The following SH3BGRL2 variants were observed in gnomAD, a reference collection of about 807,000 sequenced individuals.
SH3BGRL2 encodes the protein SH3 domain binding glutamate rich protein like 2, also known as SH3 domain-binding glutamic acid-rich-like protein 2.
SH3BGRL2 carries 21 observed loss-of-function variants against 14.8 expected under a neutral mutation model. The ratio of observed to expected loss-of-function variants is 1.42; its 90% CI spans 1.01 to 2.05. The LOEUF is 2.05. SH3BGRL2 is among the 30% of genes most tolerant of loss of function. The pLI is 0.00. For missense variants in SH3BGRL2, 147 were observed against 130.8 expected (o/e 1.12, Z -0.61); for synonymous variants, 50 against 47.8 (o/e 1.05, Z -0.19).
the SH3BGRL2 span, among the ~76,000 whole-genome samples, chr6:79,615,210 A>T: frequency 6.6e-6 from 1 of 152,004 alleles, no homozygotes; most frequent in South Asian, 2.1e-4. Flanking sequence ...AGTTTGGGAG[A>T]CTCACAAAAG....
intron 1 of SH3BGRL2, among the ~76,000 whole-genome samples, chr6:79,636,158 AG>A (rs1482482742): frequency 6.6e-6 from 1 of 152,172 alleles, no homozygotes; most frequent in East Asian, 1.9e-4. Context: ...CATTTTCCAG[AG>A]GAAGAGACTG....
At chr6:79,569,711 G>T in the SH3BGRL2 span, among the ~76,000 whole-genome samples, 13 of 152,110 alleles carry the variant, frequency 8.5e-5, no homozygotes, top group Non-Finnish European at 1.6e-4. Context: ...GGTCAGGGGG[G>T]TGCTTAGAAT....
chr6:79,649,983 TCTCACACACA>T (rs1769251394), intron 1 of SH3BGRL2, among the ~76,000 whole-genome samples: 2 of 132,342 alleles, frequency 1.5e-5, no homozygotes, highest in South Asian at 5.0e-4. Context: ...TCTCTCTCTC[TCTCACACACA>T]CACACACACA....
intron 2 of SH3BGRL2, among the ~76,000 whole-genome samples, chr6:79,692,793 T>G (rs1369918407): frequency 6.6e-6 from 1 of 152,054 alleles, no homozygotes; most frequent in Non-Finnish European, 1.5e-5. Flanking sequence ...GGTAGCATGA[T>G]GCCTCTGGCT....
In SH3BGRL2 at chr6:79,648,255, CATATATATATATATAT is replaced by C. The variant is rs60702112; in HGVS notation, c.45+16762_45+16777del. The stretch of plus-strand genomic sequence containing the variant: ...ACATTTTCTCTCTCTATTCTTTTGG[CATATATATATATATAT>C]ATATATATATATTTGACATATATTA... On this transcript the variant is annotated intron_variant, in intron 1 of 3. Coordinates refer to ENST00000369838, the MANE Select transcript of SH3BGRL2 (RefSeq NM_031469.4). Among the ~76,000 whole-genome samples the C allele has an allele frequency of 4.8e-5, 3 of 62,472 alleles. 1 individual carries two copies. The highest frequency in any genetic ancestry group is 1.5e-3 in the South Asian group (2 of 1,308). 41.0% of individuals were successfully genotyped at this position (62,472 alleles called of 152,430 possible). A position where few individuals can be genotyped will look rare whatever the true frequency, so the allele number is the denominator to read the frequency against.
At chr6:79,580,167 A>G in the SH3BGRL2 span, among the ~76,000 whole-genome samples, 1 of 152,200 alleles carries the variant, frequency 6.6e-6, no homozygotes, top group Non-Finnish European at 1.5e-5. Context: ...AGAGACCTAC[A>G]AAGAGACTTA....
chr6:79,683,747 G>A (rs1374783374), intron 2 of SH3BGRL2, among the ~76,000 whole-genome samples: 4 of 152,074 alleles, frequency 2.6e-5, no homozygotes, highest in Admixed American at 1.3e-4. Flanking sequence ...GTGCTCGGCC[G>A]TAAACATCCT....
At position 79,636,816 on chromosome 6, in the gene SH3BGRL2, C is replaced by T. The variant is rs577836540; in HGVS notation, c.45+5310C>T. Among the ~76,000 whole-genome samples the T allele has an allele frequency of 5.9e-5, 9 of 152,258 alleles. No individual in the cohort carries two copies. In the East Asian group the frequency reaches 1.7e-3, roughly 29 times the overall value. ...TGGCATTCTTCCTCTGTGCATGTAT[C>T]TTTGTGCCCAAATGTTCTGTTTTTA... On this transcript the variant is annotated intron_variant, in intron 1 of 3. Coordinates refer to ENST00000369838, the MANE Select transcript of SH3BGRL2 (RefSeq NM_031469.4).
chr6:79,553,589 C>T, the SH3BGRL2 span, among the ~76,000 whole-genome samples: 10 of 152,274 alleles, frequency 6.6e-5, no homozygotes, highest in East Asian at 1.9e-3. Flanking sequence ...CATCAGAACA[C>T]CAAAGAGAGG....
chr6:79,594,745 A>G, the SH3BGRL2 span, among the ~76,000 whole-genome samples: 1 of 152,192 alleles, frequency 6.6e-6, no homozygotes, highest in Non-Finnish European at 1.5e-5. Context: ...CTGAGAAACT[A>G]CATTAATCGT....
At chr6:79,699,172 C>G (rs550484257) in intron 3 of SH3BGRL2, among the ~76,000 whole-genome samples, 8 of 152,258 alleles carry the variant, frequency 5.3e-5, no homozygotes, top group Non-Finnish European at 1.0e-4. Flanking sequence ...TAATGGGCAT[C>G]TCTGCAGGCC....
the SH3BGRL2 span, among the ~76,000 whole-genome samples, chr6:79,554,446 G>C: frequency 1.2e-4 from 19 of 152,108 alleles, no homozygotes; most frequent in Non-Finnish European, 2.5e-4. Flanking sequence ...GTCATTTGAG[G>C]GTTCTTGTTG....
chr6:79,632,138 C>A, intron 1 of SH3BGRL2, among the ~76,000 whole-genome samples: 1 of 152,088 alleles, frequency 6.6e-6, no homozygotes, highest in East Asian at 1.9e-4. Flanking sequence ...TGTGTATGCA[C>A]GCATTTTCTT....
the SH3BGRL2 span, among the ~76,000 whole-genome samples, chr6:79,598,540 G>A: frequency 6.6e-6 from 1 of 152,106 alleles, no homozygotes; most frequent in African/African-American, 2.4e-5. Context: ...CCAGCTATAG[G>A]AAATGTCCAC....
chr6:79,693,694 C>T (rs1450434414), intron 2 of SH3BGRL2, among the ~76,000 whole-genome samples: 2 of 152,146 alleles, frequency 1.3e-5, no homozygotes, highest in East Asian at 1.9e-4. Flanking sequence ...AGCCATGCAT[C>T]CCAGGGATGA....
chr6:79,677,013 G>A (rs891793453), intron 2 of SH3BGRL2, among the ~76,000 whole-genome samples: 2 of 152,128 alleles, frequency 1.3e-5, no homozygotes, highest in Non-Finnish European at 1.5e-5. Flanking sequence ...AGCTATTGGC[G>A]TATGCACTGT....
At chr6:79,611,400 A>T in the SH3BGRL2 span, among the ~76,000 whole-genome samples, 2 of 147,082 alleles carry the variant, frequency 1.4e-5, no homozygotes, top group African/African-American at 5.1e-5. Flanking sequence ...ACTACAGTAT[A>T]TAACTTTTTT....
intron 1 of SH3BGRL2, among the ~76,000 whole-genome samples, chr6:79,649,054 C>T (rs977039131): frequency 1.2e-4 from 19 of 152,266 alleles, no homozygotes; most frequent in Non-Finnish European, 1.8e-4. Flanking sequence ...CCCTGTAGGA[C>T]CACCTCACCC....
the SH3BGRL2 span, among the ~76,000 whole-genome samples, chr6:79,586,235 C>CTTTTTTTTTTTTTT: frequency 5.5e-5 from 3 of 54,964 alleles, no homozygotes; most frequent in African/African-American, 7.3e-5. Flanking sequence ...GTATGGACTT[C>CTTTTTTTTTTTTTT]TTTTTTTTTT....
Sources: gnomAD v4.1 joint callset for allele counts (sites outside exome capture counted in the v4.1 genomes callset) on GRCh38, gnomAD v4.1.1 for gene constraint, MANE v1.5 for transcripts, NCBI Gene and HGNC (gene_info 2026-07-23, HGNC 2026-07-21) for gene names.